The following INPPL1 variants were observed in gnomAD, a reference collection of about 807,000 sequenced individuals.
INPPL1 encodes inositol polyphosphate phosphatase like 1.
Under a neutral mutation model 139.3 loss-of-function variants are expected in INPPL1, and 91 were observed. The ratio of observed to expected loss-of-function variants is 0.65; its 90% CI spans 0.55 to 0.78. INPPL1 has a LOEUF of 0.78. Among genes scored for constraint, INPPL1 ranks in the 30% least tolerant of loss-of-function variants. The pLI, the probability that INPPL1 is intolerant of heterozygous loss-of-function variation, is 0.00. For missense variants in INPPL1, 1,411 were observed against 1,665.6 expected (o/e 0.85, Z 2.66); for synonymous variants, 719 against 686.6 (o/e 1.05, Z -0.74).
In INPPL1 at chr11:72,229,659, C is replaced by G. The variant is rs201713633; in HGVS notation, c.754-4C>G. On this transcript the variant is annotated splice_region_variant and splice_polypyrimidine_tract_variant and intron_variant, in intron 6 of 27. Coordinates refer to ENST00000298229, the MANE Select transcript of INPPL1 (RefSeq NM_001567.4). ...TGTACAAGCCTGGTTCTTCCTCCCC[C>G]CAGAACCTGCCACAGACAGGGGAGC... The G allele has an allele frequency of 5.8e-5, 93 of 1,613,982 alleles. No individual in the cohort carries two copies. The African/African-American group carries it at 6.8e-4, about 12-fold the overall frequency.
rs754321111 is a variant in INPPL1, at chr11:72,228,398, C to T, written c.297C>T (p.Ile99=). Residue 99 remains isoleucine, a synonymous_variant, in exon 3 of 28, where the codon ATC becomes ATT. Transcript: ENST00000298229. The surrounding 1 kb of genome is among the most constrained non-coding windows in gnomAD (Gnocchi z 5.0). The part of the protein sequence containing the change: ...VRRFQTLGEL[I]GLYAQPNQGL... Reference sequence around the variant, plus strand: ...GCTTCCAGACCCTGGGTGAGCTCATCGGCCTGTACGCCCAGCCCAACCAGG... The same window carrying T: ...GCTTCCAGACCCTGGGTGAGCTCATTGGCCTGTACGCCCAGCCCAACCAGG... 4.2e-5 allele frequency: 68 copies of T among 1,613,054 alleles called. 1 individual carries two copies. The South Asian group carries it at 6.0e-4, about 14-fold the overall frequency.
At chr11:72,229,779 C>T in intron 7 of INPPL1, 27 bp downstream of exon 7, 1 of 1,600,974 alleles carries the variant, frequency 6.2e-7, no homozygotes, top group Non-Finnish European at 8.6e-7. Flanking sequence ...CCCTTGACCC[C>T]CGATTCACTG....
At chr11:72,230,652 C>T in intron 10 of INPPL1, 144 bp from the exon 11 acceptor site, 1 of 835,676 alleles carries the variant, frequency 1.2e-6, no homozygotes, top group Non-Finnish European at 1.9e-6. Context: ...TTTGCCAGCA[C>T]TGTTATATGC....
At chr11:72,229,632 C>G (rs1479439408) in intron 6 of INPPL1, 31 bp from the exon 7 acceptor site, 2 of 1,612,340 alleles carry the variant, frequency 1.2e-6, no homozygotes, top group Non-Finnish European at 1.7e-6. Context: ...TTAGGTGACT[C>G]ATGTACAAGC....
Position 72,228,712 on chromosome 11 carries a change from G to A in INPPL1, c.398-15G>A. On this transcript the variant is annotated splice_polypyrimidine_tract_variant and intron_variant, in intron 3 of 27. Transcript: ENST00000298229. The surrounding 1 kb of genome is among the most constrained non-coding windows in gnomAD (Gnocchi z 5.0). ...TGGGAGGCCCAAACGGCTGCCCACT[G>A]ACCCCTGCCCACAGATGGGGAGGAT... 6.2e-7 allele frequency: 1 copy of A among 1,607,346 alleles called. No individual in the cohort carries two copies. Among genetic ancestry groups the A allele is most frequent in the Non-Finnish European group, 8.5e-7 (1 of 1,176,524 alleles).
Position 72,229,212 on chromosome 11 carries a change from C to T in INPPL1, c.641C>T (p.Ser214Leu), listed in dbSNP as rs935338470. Reference sequence around the variant, plus strand: ...CACCTCACCCGTACCCTCGCTACCTCATGCCGGAGGCTGCACAGGTATCTG... The same window carrying T: ...CACCTCACCCGTACCCTCGCTACCTTATGCCGGAGGCTGCACAGGTATCTG... Reference protein sequence around the residue: ...LPHLTRTLATSCRRLHSEVDK... With the variant: ...LPHLTRTLATLCRRLHSEVDK... The change falls in exon 5 of 28, where the codon TCA becomes TTA. Residue 214 changes from serine (S) to leucine (L), a missense_variant. By Grantham distance (145) the Ser-to-Leu change is moderately radical. This residue lies in a region of INPPL1 where 504 missense variants were observed against 595.6 expected (regional missense o/e 0.85). Transcript: ENST00000298229. The T allele has an allele frequency of 3.1e-6, 5 of 1,611,078 alleles. No homozygotes were observed. Among genetic ancestry groups the T allele is most frequent in the Non-Finnish European group, 4.2e-6 (5 of 1,178,342 alleles).
rs370612067 is a variant in INPPL1 at position 72,235,632 on chromosome 11, A to G, written c.2660-43A>G. On this transcript the variant is annotated intron_variant, in intron 23 of 27. Coordinates refer to ENST00000298229, the MANE Select transcript of INPPL1 (RefSeq NM_001567.4). This position sits in a 1 kb window ranked among gnomAD's most constrained non-coding sequence, Gnocchi z 4.9. ...GGCCCACTGGGTGTCTGTGGGATCCAGGAGCCCAGGTCTCCTCTGAGTCTC... is the reference window on the plus strand; with the variant it reads ...GGCCCACTGGGTGTCTGTGGGATCCGGGAGCCCAGGTCTCCTCTGAGTCTC... 6.2e-6 allele frequency: 10 copies of G among 1,608,532 alleles called. No homozygotes were observed. The highest frequency in any genetic ancestry group is 8.5e-6 in the Non-Finnish European group (10 of 1,175,854).
intron 7 of INPPL1, 29 bp downstream of exon 7, chr11:72,229,781 G>T: frequency 6.3e-7 from 1 of 1,598,504 alleles, no homozygotes; most frequent in Non-Finnish European, 8.6e-7. Context: ...CTTGACCCCC[G>T]ATTCACTGGC....
At chr11:72,232,030 G>A (rs919684133) in intron 13 of INPPL1, among the ~76,000 whole-genome samples, 2 of 152,158 alleles carry the variant, frequency 1.3e-5, no homozygotes, top group Non-Finnish European at 2.9e-5. Flanking sequence ...CATACAGACA[G>A]ACTCAGGCCA....
At position 72,232,230 on chromosome 11, in the gene INPPL1, G is replaced by T; in HGVS notation, c.1616-10G>T. ...TGACCCAGGCCTTCCTCTCTTGCTT[G>T]CCTTAACAGGGAACAAGGGGGCTGT... On this transcript the variant is annotated splice_polypyrimidine_tract_variant and intron_variant, in intron 13 of 27. Coordinates refer to ENST00000298229, the MANE Select transcript of INPPL1 (RefSeq NM_001567.4). 1 of 1,552,020 alleles carries T rather than the reference G, an allele frequency of 6.4e-7. No homozygotes were observed. Among genetic ancestry groups the T allele is most frequent in the Admixed American group, 2.0e-5 (1 of 51,110 alleles).
chr11:72,231,307 G>T, intron 12 of INPPL1, 118 bp downstream of exon 12: 1 of 1,069,040 alleles, frequency 9.4e-7, no homozygotes, highest in Admixed American at 1.9e-5. Flanking sequence ...TCTGGTCCCT[G>T]AGCATATCCT....
At chr11:72,236,114 G>C in intron 25 of INPPL1, 128 bp downstream of exon 25, 1 of 631,734 alleles carries the variant, frequency 1.6e-6, no homozygotes, top group Non-Finnish European at 2.8e-6. Flanking sequence ...TCTGTGGTTG[G>C]AGCTGCCATG....
At position 72,224,801 on chromosome 11, in the gene INPPL1, G is replaced by A; in HGVS notation, c.-184G>A. Reference sequence around the variant, plus strand: ...CAAGTTGAGGCCGGCGCTGCAGGCAGCGGCGGCTGCGCGGTGAACGAGGCG... The same window carrying A: ...CAAGTTGAGGCCGGCGCTGCAGGCAACGGCGGCTGCGCGGTGAACGAGGCG... On this transcript the variant is annotated 5_prime_UTR_variant, in exon 1 of 28. Coordinates refer to ENST00000298229, the MANE Select transcript of INPPL1 (RefSeq NM_001567.4). 1 of 218,606 alleles carries A rather than the reference G, an allele frequency of 4.6e-6. No homozygotes were observed. Among genetic ancestry groups the A allele is most frequent in the Non-Finnish European group, 8.1e-6 (1 of 123,476 alleles). 13.5% of individuals were successfully genotyped at this position (218,606 alleles called of 1,614,324 possible).
Position 72,238,097 on chromosome 11 carries a change from C to T in INPPL1, c.3608C>T (p.Ala1203Val). The T allele has an allele frequency of 6.3e-7, 1 of 1,581,868 alleles. No individual in the cohort carries two copies. Among genetic ancestry groups the T allele is most frequent in the Non-Finnish European group, 8.6e-7 (1 of 1,163,672 alleles). The change falls in exon 27 of 28, where the codon GCC (alanine) becomes GTC (valine). Residue 1203 changes from alanine (A) to valine (V), a missense_variant. Transcript: ENST00000298229. ...GGGCTGGGCGAGGCAGGCATGAGTG[C>T]CTGGCTGCGGGCCATCGGCTTGGAG... Reference protein sequence around the residue: ...ASGLGEAGMSAWLRAIGLERY... With the variant: ...ASGLGEAGMSVWLRAIGLERY...
At chr11:72,229,378 T>G in intron 5 of INPPL1, 87 bp from the exon 6 acceptor site, 1 of 1,441,508 alleles carries the variant, frequency 6.9e-7, no homozygotes, top group South Asian at 1.2e-5. Context: ...GCCTTTATCC[T>G]TGTGGTGAGG....
Position 72,235,994 on chromosome 11 carries a change from G to A in INPPL1, c.2879+8G>A, listed in dbSNP as rs1449391370. 4 of 1,546,064 alleles carry A rather than the reference G, an allele frequency of 2.6e-6. No individual in the cohort carries two copies. Among genetic ancestry groups the A allele is most frequent in the East Asian group, 2.3e-5 (1 of 44,330 alleles). ...GGAGCCCTTGACCCCCAGGTGAGAG[G>A]AGGAACCTGTCACCGCCCCCCCTTC... On this transcript the variant is annotated splice_region_variant and intron_variant, in intron 25 of 27. Coordinates refer to ENST00000298229, the MANE Select transcript of INPPL1 (RefSeq NM_001567.4). This position sits in a 1 kb window ranked among gnomAD's most constrained non-coding sequence, Gnocchi z 4.9.
Position 72,233,826 on chromosome 11 carries a change from C to T in INPPL1, c.2212+82C>T, listed in dbSNP as rs1948904736. 8.1e-6 allele frequency: 9 copies of T among 1,106,956 alleles called. No individual in the cohort carries two copies. The Admixed American group carries it at 1.5e-4, about 19-fold the overall frequency. The allele number at this position is 1,106,956 out of a possible 1,614,324, so 68.6% of individuals were successfully genotyped here. Reference sequence around the variant, plus strand: ...GGCCTCGGGATGTACATAGGTTTGACTATGTAAGTGTGTGTGTGGGTGTGT... The same window carrying T: ...GGCCTCGGGATGTACATAGGTTTGATTATGTAAGTGTGTGTGTGGGTGTGT... On this transcript the variant is annotated intron_variant, in intron 19 of 27. Coordinates refer to ENST00000298229, the MANE Select transcript of INPPL1 (RefSeq NM_001567.4).
chr11:72,228,768 T>A lies in INPPL1; in HGVS notation c.439T>A (p.Ser147Thr). Reference sequence around the variant, plus strand: ...GCCCCCGCTGCCCCCGCGCTCTGGCTCCACCAGCATTTCTGCCCCCACTGG... The same window carrying A: ...GCCCCCGCTGCCCCCGCGCTCTGGCACCACCAGCATTTCTGCCCCCACTGG... ...EKPPLPPRSG[S>T]TSISAPTGPS... The change falls in exon 4 of 28, where the codon TCC becomes ACC. Residue 147 changes from serine (S) to threonine (T), a missense_variant. By Grantham distance (58) the Ser-to-Thr change is moderately conservative (BLOSUM62 1). Coordinates refer to ENST00000298229, the MANE Select transcript of INPPL1 (RefSeq NM_001567.4). The surrounding 1 kb of genome is among the most constrained non-coding windows in gnomAD (Gnocchi z 5.0). 6.2e-7 allele frequency: 1 copy of A among 1,612,130 alleles called. No individual in the cohort carries two copies. The highest frequency in any genetic ancestry group is 8.5e-7 in the Non-Finnish European group (1 of 1,179,078).
At chr11:72,237,009 G>C in intron 25 of INPPL1, 115 bp from the exon 26 acceptor site, 1 of 881,366 alleles carries the variant, frequency 1.1e-6, no homozygotes, top group Non-Finnish European at 1.7e-6. Flanking sequence ...AAGGTCATGA[G>C]AAAGTCTAGG....
Sources: gnomAD v4.1 joint callset for allele counts (sites outside exome capture counted in the v4.1 genomes callset) on GRCh38, gnomAD v4.1.1 for gene constraint, gnomAD v4.1.1 regional missense constraint, Gnocchi (gnomAD v3.1) non-coding constraint, MANE v1.5 for transcripts, NCBI Gene and HGNC (gene_info 2026-07-23, HGNC 2026-07-21) for gene names.